SLC35F3: variants seen among roughly 807,000 people sequenced by gnomAD.
SLC35F3 encodes the protein putative thiamine transporter SLC35F3.
A neutral mutation model predicts 49.9 loss-of-function variants in SLC35F3; 25 were observed. The observed-to-expected ratio is 0.50, with a 90% CI of 0.37 to 0.70. SLC35F3 has a LOEUF of 0.70. Ranked by LOEUF, SLC35F3 falls within the 30% of genes least tolerant of loss-of-function variation. The pLI, the probability that SLC35F3 is intolerant of heterozygous loss-of-function variation, is 0.00. For missense variants in SLC35F3, 525 were observed against 639.8 expected (o/e 0.82, Z 1.94); for synonymous variants, 275 against 265.4 (o/e 1.04, Z -0.35).
Position 233,905,604 on chromosome 1 carries a change from C to A in SLC35F3, c.129C>A (p.Tyr43Ter). 1 of 1,614,192 alleles carries A rather than the reference C, an allele frequency of 6.2e-7. No individual in the cohort carries two copies. Among genetic ancestry groups the A allele is most frequent in the African/African-American group, 1.3e-5 (1 of 75,076 alleles). Reference sequence around the variant, plus strand: ...GCCCCCAGCTCCGGCAGCTCAAGTACTTGGTGGTGGACGAGGCGATTAAGG... The same window carrying A: ...GCCCCCAGCTCCGGCAGCTCAAGTAATTGGTGGTGGACGAGGCGATTAAGG... ...DISPQLRQLK[Y>*]LVVDEAIKED... Residue 43 changes from tyrosine (Y) to a stop codon, truncating the protein, a stop_gained, in exon 2 of 8, where the codon TAC becomes TAA. Coordinates refer to ENST00000366618, the MANE Select transcript of SLC35F3 (RefSeq NM_173508.4). LOFTEE classifies it high-confidence loss of function.
chr1:234,171,014 G>A (rs1281339248), intron 2 of SLC35F3, among the ~76,000 whole-genome samples: 2 of 152,340 alleles, frequency 1.3e-5, no homozygotes, highest in Admixed American at 1.3e-4. Context: ...AATAGGTTCA[G>A]CGTTTGTCAG....
chr1:234,229,154 C>T lies in SLC35F3; in HGVS notation c.284-2263C>T, dbSNP rs1457491323. On this transcript the variant is annotated intron_variant, in intron 2 of 7. Coordinates refer to ENST00000366618, the MANE Select transcript of SLC35F3 (RefSeq NM_173508.4). The stretch of plus-strand genomic sequence containing the variant: ...CTTGAAAATTCACAATATCCATTGA[C>T]CCTGAATATTCCTACAGCAAAGGAA... Among the ~76,000 whole-genome samples the T allele has an allele frequency of 2.6e-5, 4 of 152,274 alleles. No individual in the cohort carries two copies. The East Asian group carries it at 7.7e-4, about 29-fold the overall frequency.
At chr1:234,124,745 G>A (rs143072826) in intron 2 of SLC35F3, among the ~76,000 whole-genome samples, 99 of 152,288 alleles carry the variant, frequency 6.5e-4, no homozygotes, top group African/African-American at 2.1e-3. Flanking sequence ...CTGCATACCT[G>A]TAGCCCCAGC....
At chr1:234,146,609 G>A (rs1666001270) in intron 2 of SLC35F3, among the ~76,000 whole-genome samples, 1 of 149,768 alleles carries the variant, frequency 6.7e-6, no homozygotes, top group Non-Finnish European at 1.5e-5. Flanking sequence ...CCACCTCCCG[G>A]GTTCAAGTGA....
intron 2 of SLC35F3, among the ~76,000 whole-genome samples, chr1:233,911,549 CTA>C (rs1558175848): frequency 6.6e-6 from 1 of 152,104 alleles, no homozygotes; most frequent in Non-Finnish European, 1.5e-5. Flanking sequence ...AAATGCAGAA[CTA>C]TTATCTTTTA....
intron 2 of SLC35F3, among the ~76,000 whole-genome samples, chr1:233,907,193 T>C (rs1571973846): frequency 1.3e-5 from 2 of 152,366 alleles, no homozygotes; most frequent in East Asian, 3.9e-4. Flanking sequence ...GCTTCCTTAA[T>C]AACAAAAGAC....
chr1:233,916,081 A>G (rs548755874), intron 2 of SLC35F3, among the ~76,000 whole-genome samples: 1 of 152,326 alleles, frequency 6.6e-6, no homozygotes, highest in South Asian at 2.1e-4. Context: ...GTACTAAGGA[A>G]GAACTGAAGT....
intron 3 of SLC35F3, among the ~76,000 whole-genome samples, chr1:234,267,133 G>T (rs1409042521): frequency 3.6e-5 from 5 of 139,390 alleles, no homozygotes; most frequent in African/African-American, 5.5e-5. Context: ...ATCTTGCACC[G>T]CCCTTAATCC....
At chr1:234,008,548 A>G (rs1241564815) in intron 2 of SLC35F3, among the ~76,000 whole-genome samples, 1 of 152,164 alleles carries the variant, frequency 6.6e-6, no homozygotes, top group East Asian at 1.9e-4. Context: ...TGCACTACAG[A>G]AAGTTCTTTC....
intron 2 of SLC35F3, among the ~76,000 whole-genome samples, chr1:234,143,309 A>C (rs1558241228): frequency 2.2e-5 from 2 of 89,114 alleles, no homozygotes; most frequent in African/African-American, 1.1e-4. Flanking sequence ...TTTTTTTGAG[A>C]TAAAGGCTCA....
chr1:234,290,810 A>G (rs1668495173), intron 3 of SLC35F3, among the ~76,000 whole-genome samples: 1 of 152,256 alleles, frequency 6.6e-6, no homozygotes, highest in African/African-American at 2.4e-5. Flanking sequence ...GGAATGAACC[A>G]GGACATTAAA....
At chr1:233,963,745 G>A (rs1662847877) in intron 2 of SLC35F3, among the ~76,000 whole-genome samples, 1 of 152,222 alleles carries the variant, frequency 6.6e-6, no homozygotes, top group Non-Finnish European at 1.5e-5. Flanking sequence ...TGAAGGTCAT[G>A]TTTCATCTTA....
chr1:233,992,377 G>A (rs959300003), intron 2 of SLC35F3, among the ~76,000 whole-genome samples: 10 of 152,162 alleles, frequency 6.6e-5, no homozygotes, highest in South Asian at 4.1e-4. Context: ...GTTCAAGAGC[G>A]TGGCCCTGAC....
chr1:233,960,824 T>C (rs966572935), intron 2 of SLC35F3, among the ~76,000 whole-genome samples: 4 of 152,120 alleles, frequency 2.6e-5, no homozygotes, highest in African/African-American at 9.7e-5. Context: ...CTGTAAGTTC[T>C]TTCGACCTTG....
intron 3 of SLC35F3, among the ~76,000 whole-genome samples, chr1:234,288,223 G>A (rs935613350): frequency 2.3e-4 from 35 of 152,060 alleles, no homozygotes; most frequent in African/African-American, 7.2e-4. Flanking sequence ...AACGTCAAGT[G>A]CAGCAACTAC....
rs141837129 is a variant in SLC35F3 at position 233,926,800 on chromosome 1, G to A, written c.283+21042G>A. 3.5e-3 allele frequency among the ~76,000 whole-genome samples: 526 copies of A among 152,206 alleles called. 5 individuals are homozygous for A. The highest frequency in any genetic ancestry group is 0.024 in the East Asian group (125 of 5,174). On this transcript the variant is annotated intron_variant, in intron 2 of 7. Coordinates refer to ENST00000366618, the MANE Select transcript of SLC35F3 (RefSeq NM_173508.4). Reference sequence around the variant, plus strand: ...TCTACCTTTGGTCTTTGATGATGGCGACCTACAGATGGGGTTTTGGTGTGG... The same window carrying A: ...TCTACCTTTGGTCTTTGATGATGGCAACCTACAGATGGGGTTTTGGTGTGG...
chr1:234,171,560 T>C (rs985744912), intron 2 of SLC35F3, among the ~76,000 whole-genome samples: 8 of 152,168 alleles, frequency 5.3e-5, no homozygotes, highest in African/African-American at 1.9e-4. Context: ...GGAAAGAGCC[T>C]GAGAAATTGC....
chr1:234,189,057 G>T (rs1212755188), intron 2 of SLC35F3, among the ~76,000 whole-genome samples: 1 of 152,042 alleles, frequency 6.6e-6, no homozygotes, highest in Non-Finnish European at 1.5e-5. Context: ...AATCTGAACA[G>T]CAGCCTTGAG....
At chr1:233,964,039 G>A (rs1662853335) in intron 2 of SLC35F3, among the ~76,000 whole-genome samples, 1 of 152,128 alleles carries the variant, frequency 6.6e-6, no homozygotes, top group African/African-American at 2.4e-5. Flanking sequence ...TATAAACCTG[G>A]CAGTTCAAAC....
Sources: gnomAD v4.1 joint callset for allele counts (sites outside exome capture counted in the v4.1 genomes callset) on GRCh38, gnomAD v4.1.1 for gene constraint, MANE v1.5 for transcripts, NCBI Gene and HGNC (gene_info 2026-07-23, HGNC 2026-07-21) for gene names.